GABRA3: variants seen among roughly 807,000 people sequenced by gnomAD.
GABRA3 encodes the protein gamma-aminobutyric acid type A receptor subunit alpha3.
A neutral mutation model predicts 30.1 loss-of-function variants in GABRA3; 10 were observed. That is an observed-to-expected ratio of 0.33 (90% CI 0.20 to 0.56). The LOEUF (loss-of-function observed/expected upper bound fraction) is 0.56, where lower values mean the gene tolerates loss of function less well. Ranked by LOEUF, GABRA3 falls within the 20% of genes least tolerant of loss-of-function variation. The probability of loss-of-function intolerance (pLI) is 0.89; values close to 1 mark genes in which losing one functional copy is unlikely to be tolerated. For synonymous variants in GABRA3, 151 were observed against 146.8 expected, an observed-to-expected ratio of 1.03 and a Z score of -0.21; for missense variants, 233 against 392.0, an observed-to-expected ratio of 0.59 and a Z score of 3.42.
chrX:152,431,905 T>A (rs921214887), intron 1 of GABRA3, among the ~76,000 whole-genome samples: 1 of 111,762 alleles, frequency 8.9e-6, no homozygotes, highest in Non-Finnish European at 1.9e-5. Flanking sequence ...AACACAGCCC[T>A]GCCAATGTCT....
chrX:152,422,984 T>C (rs1930414394), intron 1 of GABRA3, among the ~76,000 whole-genome samples: 1 of 112,102 alleles, frequency 8.9e-6, no homozygotes, highest in South Asian at 3.7e-4. Flanking sequence ...CATAAATATG[T>C]ACATTTTTCA....
intron 2 of GABRA3, among the ~76,000 whole-genome samples, chrX:152,356,611 G>T (rs2124488661): frequency 9.0e-6 from 1 of 111,220 alleles, no homozygotes; most frequent in Admixed American, 9.6e-5. Context: ...CTTTATTTTA[G>T]GTTAGGGGAT....
chrX:152,243,008 T>C (rs1271356128), intron 5 of GABRA3, among the ~76,000 whole-genome samples: 1 of 112,256 alleles, frequency 8.9e-6, no homozygotes, highest in Non-Finnish European at 1.9e-5. Context: ...ATGTGGTATA[T>C]ATACACAATA....
chrX:152,352,294 T>A (rs1940490161), intron 2 of GABRA3, among the ~76,000 whole-genome samples: 1 of 112,064 alleles, frequency 8.9e-6, no homozygotes, highest in South Asian at 3.7e-4. Context: ...GGGATAACAA[T>A]AACCTACATT....
At chrX:152,421,021 C>G (rs1207535734) in intron 1 of GABRA3, among the ~76,000 whole-genome samples, 1 of 108,824 alleles carries the variant, frequency 9.2e-6, no homozygotes, top group African/African-American at 3.3e-5. Flanking sequence ...AACCTCTTTC[C>G]TTTATAAATT....
rs574491187 is a variant in GABRA3 at position 152,232,979 on chromosome X, TTTTG to T, written c.552-8138_552-8135del. ...CCTGCATCCTTGTCAACATCTGTTT[TTTTG>T]TTTGTTTGTTTTTGCATTTTAATAA... is the stretch of plus-strand genomic sequence containing the variant. On this transcript the variant is annotated intron_variant, in intron 5 of 9. Transcript: ENST00000370314. Among the ~76,000 whole-genome samples the T allele has an allele frequency of 2.4e-4, 27 of 111,137 alleles. No individual in the cohort carries two copies. The South Asian group carries it at 7.5e-3, about 31-fold the overall frequency.
At chrX:152,249,999 A>G (rs963671584) in intron 5 of GABRA3, among the ~76,000 whole-genome samples, 1 of 110,937 alleles carries the variant, frequency 9.0e-6, no homozygotes, top group African/African-American at 3.3e-5. Context: ...TTTCTGATGC[A>G]TGATGTCGAT....
intron 1 of GABRA3, among the ~76,000 whole-genome samples, chrX:152,403,554 G>GTGTGTGTGTGCT (rs1221672724): frequency 3.0e-5 from 2 of 66,228 alleles, no homozygotes; most frequent in Non-Finnish European, 3.5e-5. Flanking sequence ...GTGCACACGT[G>GTGTGTGTGTGCT]TGTGTATGTG....
At chrX:152,286,438 C>T (rs1214244836) in intron 3 of GABRA3, among the ~76,000 whole-genome samples, 2 of 110,679 alleles carry the variant, frequency 1.8e-5, no homozygotes, top group Non-Finnish European at 3.8e-5. Flanking sequence ...GCATAGCTGA[C>T]CTGAATTGAG....
intron 2 of GABRA3, among the ~76,000 whole-genome samples, chrX:152,356,019 T>C (rs754649529): frequency 6.3e-5 from 7 of 111,495 alleles, no homozygotes; most frequent in Non-Finnish European, 1.3e-4. Context: ...TTTCTTCAGG[T>C]ACAGATTAAA....
chrX:152,327,826 G>C (rs1456613824), intron 3 of GABRA3, among the ~76,000 whole-genome samples: 1 of 111,573 alleles, frequency 9.0e-6, no homozygotes, highest in East Asian at 2.8e-4. Context: ...TCAAAAGCTA[G>C]CAGAAGGCAA....
Position 152,197,634 on chromosome X carries a change from A to G in GABRA3, c.930T>C (p.Phe310=). The change falls in exon 8 of 10, where the codon TTT becomes TTC. Residue 310 remains phenylalanine, a splice_region_variant and synonymous_variant. Transcript: ENST00000370314. The part of the protein sequence containing the change: ...NRESVPARTV[F]GVTTVLTMTT... The stretch of plus-strand genomic sequence containing the variant: ...TACGCTCCATAAATTATCACTCACC[A>G]AAGACTGTACGGGCAGGAACAGACT... 8.3e-7 allele frequency: 1 copy of G among 1,202,879 alleles called. No homozygotes were observed. The highest frequency in any genetic ancestry group is 3.0e-5 in the East Asian group (1 of 33,591).
chrX:152,321,301 C>T (rs1178966774), intron 3 of GABRA3, among the ~76,000 whole-genome samples: 1 of 111,907 alleles, frequency 8.9e-6, no homozygotes, highest in Admixed American at 9.5e-5. Context: ...GTCCTAGTTC[C>T]ACCAGTCAAA....
intron 4 of GABRA3, among the ~76,000 whole-genome samples, chrX:152,275,428 A>ATG (rs1939058127): frequency 4.8e-5 from 5 of 104,177 alleles, no homozygotes; most frequent in Non-Finnish European, 9.7e-5. Context: ...TTTATTTTAA[A>ATG]TATAAAATAT....
intron 9 of GABRA3, among the ~76,000 whole-genome samples, chrX:152,169,902 T>C (rs1388646553): frequency 2.7e-5 from 3 of 111,625 alleles, no homozygotes; most frequent in Non-Finnish European, 5.6e-5. Flanking sequence ...CATCTCTTCA[T>C]ATATCCTTTC....
intron 1 of GABRA3, among the ~76,000 whole-genome samples, chrX:152,402,313 T>C (rs945582608): frequency 1.8e-5 from 2 of 111,997 alleles, no homozygotes; most frequent in Admixed American, 9.5e-5. Context: ...ACTGTCTACA[T>C]GTCAAGGTGG....
rs1231094489 is a variant in GABRA3 at position 152,291,132 on chromosome X, T to C, written c.263-6397A>G. Among the ~76,000 whole-genome samples, 3 of 112,057 alleles carry C rather than the reference T, an allele frequency of 2.7e-5. No individual in the cohort carries two copies. The Admixed American group carries it at 2.9e-4, about 11-fold the overall frequency. On this transcript the variant is annotated intron_variant, in intron 3 of 9. Coordinates refer to ENST00000370314, the MANE Select transcript of GABRA3 (RefSeq NM_000808.4). ...GTATGGCCATTTTCACAATATTGAT[T>C]CTTCCCATCCATGAGGGTAGAATGT...
chrX:152,401,041 A>G (rs757883544), intron 1 of GABRA3, among the ~76,000 whole-genome samples: 6 of 111,583 alleles, frequency 5.4e-5, no homozygotes, highest in Non-Finnish European at 1.1e-4. Context: ...AGCCCTTACA[A>G]TATTTTGACT....
chrX:152,216,198 A>G (rs932198821), intron 6 of GABRA3, among the ~76,000 whole-genome samples: 1 of 110,857 alleles, frequency 9.0e-6, no homozygotes, highest in African/African-American at 3.3e-5. Context: ...TCAAAAAATT[A>G]AAAACCGAAT....
Sources: allele counts gnomAD v4.1 joint callset (sites outside exome capture counted in the v4.1 genomes callset), GRCh38; gene constraint gnomAD v4.1.1; transcripts MANE v1.5; gene names NCBI Gene and HGNC (gene_info 2026-07-23, HGNC 2026-07-21).